IRAK1: variants seen among roughly 807,000 people sequenced by gnomAD.
IRAK1 encodes interleukin-1 receptor-associated kinase 1.
IRAK1 carries 9 observed loss-of-function variants against 49.8 expected under a neutral mutation model. The ratio of observed to expected loss-of-function variants is 0.18; its 90% confidence interval spans 0.11 to 0.32. The LOEUF (loss-of-function observed/expected upper bound fraction) is 0.32. Among genes scored for constraint, IRAK1 ranks in the 10% least tolerant of loss-of-function variants. The pLI is 1.00. For missense variants in IRAK1, 418 were observed against 600.5 expected, an observed-to-expected ratio of 0.70 and a Z score of 3.18; for synonymous variants, 282 against 270.8, an observed-to-expected ratio of 1.04 and a Z score of -0.41.
intron 10 of IRAK1, 59 bp downstream of exon 10, chrX:154,015,973 T>C: frequency 1.0e-6 from 1 of 995,600 alleles, no homozygotes; most frequent in Non-Finnish European, 1.4e-6. Context: ...CCACTGGGGC[T>C]GTGCCTGCTG....
rs1236849589 is a variant in IRAK1 at position 154,012,653 on chromosome X, T to C, written c.1956A>G (p.Ser652=). ...TAATCTGCGGTGGCTCTGACGACGA[T>C]GATGCAGAGCTGCCAAGGGCCAGTC... The part of the protein sequence containing the change: ...VEGLALGSSA[S]SSSEPPQIII... Residue 652 remains serine (S), a synonymous_variant, in exon 13 of 14, where the codon TCA becomes TCG. Coordinates refer to ENST00000369980, the MANE Select transcript of IRAK1 (RefSeq NM_001569.4). 4 of 1,210,329 alleles carry C rather than the reference T, an allele frequency of 3.3e-6. No homozygotes were observed. Among genetic ancestry groups the C allele is most frequent in the African/African-American group, 3.5e-5 (2 of 57,523 alleles).
chrX:154,019,799 G>T lies in IRAK1; in HGVS notation c.14C>A (p.Pro5Gln). The T allele has an allele frequency of 2.3e-6, 2 of 881,621 alleles. No homozygotes were observed. Among genetic ancestry groups the T allele is most frequent in the Non-Finnish European group, 1.4e-6 (1 of 720,525 alleles). 72.7% of individuals were successfully genotyped at this position (881,621 alleles called of 1,213,427 possible). A position where few individuals can be genotyped will look rare whatever the true frequency, so the allele number is the denominator to read the frequency against. MAGG[P>Q]GPGEPAAPGA... Reference sequence around the variant, plus strand: ...GGGGGCTGCGGGCTCCCCCGGGCCCGGCCCCCCGGCCATGGCTGCCGCCGC... The same window carrying T: ...GGGGGCTGCGGGCTCCCCCGGGCCCTGCCCCCCGGCCATGGCTGCCGCCGC... The change falls in exon 1 of 14, where the codon CCG (proline) becomes CAG (glutamine). Residue 5 changes from proline to glutamine, a missense_variant. Pro to Gln is a moderately conservative substitution (Grantham distance 76, BLOSUM62 -1). Around this residue, in one of 3 missense-constraint regions of IRAK1, gnomAD observed 20 missense variants for 16.1 expected, o/e 1.24. Transcript: ENST00000369980.
chrX:154,018,488 G>A (rs1569547802), intron 5 of IRAK1, 111 bp downstream of exon 5: 2 of 900,326 alleles, frequency 2.2e-6, no homozygotes, highest in South Asian at 2.1e-5. Flanking sequence ...GGGACCCTAC[G>A]CCAGAATGAG....
rs1557130381 is a variant in IRAK1, at chrX:154,018,742, A to G, written c.586T>C (p.Phe196Leu). Residue 196 changes from phenylalanine to leucine, a missense_variant, in exon 5 of 14, where the codon TTT (phenylalanine) becomes CTT (leucine). Phe to Leu is a conservative substitution (Grantham distance 22). Around this residue, in one of 3 missense-constraint regions of IRAK1, gnomAD observed 377 missense variants for 499.5 expected, o/e 0.75. Transcript: ENST00000369980. ...TCACAGAGGGGCCAGCAAAACGGAAAGGGGCGGGCTCCCTGCAGGAGGGAC... is the reference window on the plus strand; with the variant it reads ...TCACAGAGGGGCCAGCAAAACGGAAGGGGGCGGGCTCCCTGCAGGAGGGAC... The part of the protein sequence containing the change: ...SVSLLQGARP[F>L]PFCWPLCEIS... The G allele has an allele frequency of 1.0e-6, 1 of 979,589 alleles. No individual in the cohort carries two copies. The highest frequency in any genetic ancestry group is 1.5e-6 in the Non-Finnish European group (1 of 684,454). The allele number at this position is 979,589 out of a possible 1,213,427, so 80.7% of individuals were successfully genotyped here.
At chrX:154,017,479 G>A (rs1220087450) in intron 7 of IRAK1, among the ~76,000 whole-genome samples, 3 of 112,229 alleles carry the variant, frequency 2.7e-5, no homozygotes, top group African/African-American at 6.5e-5. Flanking sequence ...AAGGGGAGAG[G>A]CCTGGGAAAG....
chrX:154,017,969 T>C, intron 7 of IRAK1, 37 bp downstream of exon 7: 2 of 1,035,653 alleles, frequency 1.9e-6, no homozygotes, highest in Non-Finnish European at 2.7e-6. Context: ...AGGAGTGCTT[T>C]GGGTCCTGGG....
chrX:154,011,885 C>T lies in IRAK1; in HGVS notation c.2113G>A (p.Glu705Lys). The change falls in exon 14 of 14, where the codon GAA becomes AAA. Residue 705 changes from glutamate to lysine, a missense_variant. Transcript: ENST00000369980. The stretch of plus-strand genomic sequence containing the variant: ...CAGCTCTGAAATTCATCACTTTCTT[C>T]GGGCCCCTGCCTGTCCTGTTCCAGG... ...LGLEQDRQGPEESDEFQS is the reference protein window; with the variant it reads ...LGLEQDRQGPKESDEFQS 1 of 1,211,085 alleles carries T rather than the reference C, an allele frequency of 8.3e-7. No homozygotes were observed. The highest frequency in any genetic ancestry group is 1.7e-5 in the African/African-American group (1 of 57,922).
intron 12 of IRAK1, 124 bp downstream of exon 12, chrX:154,012,919 T>C: frequency 5.3e-6 from 5 of 943,382 alleles, no homozygotes; most frequent in Non-Finnish European, 5.7e-6. Flanking sequence ...CCAGGGTTGC[T>C]AAGGTCACAG....
rs782521948 is a variant in IRAK1, at chrX:154,018,748, G to A, written c.580C>T (p.Arg194Cys). ...ESSVSLLQGA[R>C]PFPFCWPLCE... ...AGGGGCCAGCAAAACGGAAAGGGGC[G>A]GGCTCCCTGCAGGAGGGACACTGAG... is the stretch of plus-strand genomic sequence containing the variant. The change falls in exon 5 of 14, where the codon CGC becomes TGC. Residue 194 changes from arginine (R) to cysteine (C), a missense_variant. Arg to Cys is a radical substitution (Grantham distance 180). Coordinates refer to ENST00000369980, the MANE Select transcript of IRAK1 (RefSeq NM_001569.4). 9.4e-6 allele frequency: 9 copies of A among 962,426 alleles called. No homozygotes were observed. In the South Asian group the frequency reaches 1.3e-4, roughly 14 times the overall value. The allele number at this position is 962,426 out of a possible 1,213,427, so 79.3% of individuals were successfully genotyped here. A position where few individuals can be genotyped will look rare whatever the true frequency, so the allele number is the denominator to read the frequency against.
At chrX:154,012,061 T>C (rs1557127656) in intron 13 of IRAK1, 144 bp from the exon 14 acceptor site, 1 of 488,947 alleles carries the variant, frequency 2.0e-6, no homozygotes, top group African/African-American at 2.4e-5. Context: ...TGTTCATTTG[T>C]TTTTGAGACA....
At chrX:154,015,176 C>G (rs1267343792) in intron 10 of IRAK1, among the ~76,000 whole-genome samples, 1 of 111,937 alleles carries the variant, frequency 8.9e-6, no homozygotes, top group Non-Finnish European at 1.9e-5. Context: ...GTTGGGGGGT[C>G]AACCACATAA....
At chrX:154,018,869 G>T (rs2065760035) in intron 4 of IRAK1, 82 bp from the exon 5 acceptor site, 1 of 796,812 alleles carries the variant, frequency 1.3e-6, no homozygotes, top group Admixed American at 3.1e-5. Flanking sequence ...CACCACAGCT[G>T]CCTCCCAGCT....
chrX:154,015,452 A>G (rs1370180324), intron 10 of IRAK1, among the ~76,000 whole-genome samples: 2 of 112,749 alleles, frequency 1.8e-5, no homozygotes, highest in African/African-American at 6.4e-5. Context: ...AGAAGCAGTG[A>G]AGCAATTACT....
chrX:154,011,907 C>G lies in IRAK1; in HGVS notation c.2091G>C (p.Leu697=). 8 of 1,210,006 alleles carry G rather than the reference C, an allele frequency of 6.6e-6. No individual in the cohort carries two copies. Among genetic ancestry groups the G allele is most frequent in the Non-Finnish European group, 8.9e-6 (8 of 894,430 alleles). The stretch of plus-strand genomic sequence containing the variant: ...CTTCGGGCCCCTGCCTGTCCTGTTC[C>G]AGGCCCAAGCCTACAGAAGGAAGAG... ...LSSSSLPGLG[L]EQDRQGPEES... is the part of the protein sequence containing the mutation. Residue 697 remains leucine (L), a synonymous_variant, in exon 14 of 14, where the codon CTG becomes CTC. Coordinates refer to ENST00000369980, the MANE Select transcript of IRAK1 (RefSeq NM_001569.4).
At chrX:154,013,787 G>T (rs1197140715) in intron 11 of IRAK1, among the ~76,000 whole-genome samples, 1 of 112,903 alleles carries the variant, frequency 8.9e-6, no homozygotes, top group Non-Finnish European at 1.9e-5. Context: ...AGTGCAGTGC[G>T]CCCAGCAGGG....
intron 10 of IRAK1, among the ~76,000 whole-genome samples, 175 bp downstream of exon 10, chrX:154,015,857 G>A (rs1557128997): frequency 8.9e-6 from 1 of 112,632 alleles, no homozygotes. Context: ...AGACAGGTTT[G>A]TCCTCGGCAA....
intron 2 of IRAK1, 28 bp downstream of exon 2, chrX:154,019,403 C>T (rs373523853): frequency 4.9e-5 from 54 of 1,110,564 alleles, no homozygotes; most frequent in Non-Finnish European, 6.3e-5. Context: ...GCCTCCCAGC[C>T]GTGGGGTGCC....
intron 4 of IRAK1, 62 bp from the exon 5 acceptor site, chrX:154,018,849 A>AG: frequency 4.0e-6 from 3 of 754,608 alleles, no homozygotes; most frequent in Non-Finnish European, 5.9e-6. Flanking sequence ...CCAAGGCTCC[A>AG]GGCTCTCCCC....
rs1342744049 is a variant in IRAK1, at chrX:154,019,596, C to A, written c.139G>T (p.Ala47Ser). ...TCGGTCTGGTCGCGCACGATCAGGG[C>A]GGCTGCGGGGCGGGGGGCGTCAGGC... ...LEPADWCQFA[A>S]LIVRDQTELR... The change falls in exon 2 of 14, where the codon GCC (alanine) becomes TCC (serine). Residue 47 changes from alanine (A) to serine (S), a missense_variant and splice_region_variant. Ala to Ser is a moderately conservative substitution (Grantham distance 99). Coordinates refer to ENST00000369980, the MANE Select transcript of IRAK1 (RefSeq NM_001569.4). 3.9e-6 allele frequency: 4 copies of A among 1,038,615 alleles called. No individual in the cohort carries two copies. The highest frequency in any genetic ancestry group is 4.4e-5 in the Admixed American group (1 of 22,909). The allele number at this position is 1,038,615 out of a possible 1,213,427, so 85.6% of individuals were successfully genotyped here.
Sources: allele counts gnomAD v4.1 joint callset (sites outside exome capture counted in the v4.1 genomes callset), GRCh38; gene constraint gnomAD v4.1.1; regional missense constraint gnomAD v4.1.1; transcripts MANE v1.5; gene names NCBI Gene and HGNC (gene_info 2026-07-23, HGNC 2026-07-21).